PKNOX2: variants seen among roughly 807,000 people sequenced by gnomAD.
The protein encoded by PKNOX2 is homeobox protein PKNOX2.
Under a neutral mutation model 53.1 loss-of-function variants are expected in PKNOX2, and 14 were observed. The observed-to-expected ratio is 0.26, with a 90% CI of 0.17 to 0.41. PKNOX2 has a LOEUF of 0.41. Ranked by LOEUF, PKNOX2 falls within the 10% of genes least tolerant of loss-of-function variation. The pLI, the probability that PKNOX2 is intolerant of heterozygous loss-of-function variation, is 1.00. For missense variants in PKNOX2, 496 were observed against 602.8 expected (o/e 0.82, Z 1.85); for synonymous variants, 257 against 242.8 (o/e 1.06, Z -0.54).
intron 3 of PKNOX2, 101 bp from the exon 4 acceptor site, chr11:125,351,183 C>T (rs1951288241): frequency 1.1e-5 from 8 of 717,196 alleles, no homozygotes; most frequent in Non-Finnish European, 1.6e-5. Flanking sequence ...CGCATCCAGC[C>T]GGCCCAGGTG....
chr11:125,253,134 C>T (rs1440309966), intron 2 of PKNOX2, among the ~76,000 whole-genome samples: 1 of 152,268 alleles, frequency 6.6e-6, no homozygotes, highest in Non-Finnish European at 1.5e-5. Flanking sequence ...GAGGCATTTG[C>T]TTAGGGTCCC....
At chr11:125,374,503 C>T (rs1952727567) in intron 5 of PKNOX2, among the ~76,000 whole-genome samples, 1 of 152,200 alleles carries the variant, frequency 6.6e-6, no homozygotes, top group South Asian at 2.1e-4. Context: ...GCTCAGATTT[C>T]CTCTGTACCA....
chr11:125,366,760 G>A (rs933663538), intron 4 of PKNOX2, among the ~76,000 whole-genome samples: 1 of 152,140 alleles, frequency 6.6e-6, no homozygotes, highest in Non-Finnish European at 1.5e-5. Context: ...CAGAAAGCAG[G>A]GACCTAGATT....
Position 125,411,741 on chromosome 11 carries a change from T to C in PKNOX2, c.817-5T>C. 6.2e-7 allele frequency: 1 copy of C among 1,614,072 alleles called. No homozygotes were observed. The highest frequency in any genetic ancestry group is 8.5e-7 in the Non-Finnish European group (1 of 1,179,956). On this transcript the variant is annotated splice_region_variant and splice_polypyrimidine_tract_variant and intron_variant, in intron 9 of 12. Transcript: ENST00000298282. ...ATGCTGATTTTCTCTCCACGTGCCCTGAAGGTTAACCTTGACCTCACCTCC... is the reference window on the plus strand; with the variant it reads ...ATGCTGATTTTCTCTCCACGTGCCCCGAAGGTTAACCTTGACCTCACCTCC...
intron 2 of PKNOX2, among the ~76,000 whole-genome samples, chr11:125,298,790 T>C (rs1359002504): frequency 6.6e-6 from 1 of 152,166 alleles, no homozygotes; most frequent in East Asian, 1.9e-4. Flanking sequence ...CTTGACGTAT[T>C]CCCGGGGTCT....
intron 4 of PKNOX2, among the ~76,000 whole-genome samples, chr11:125,363,982 T>C (rs1212542228): frequency 6.6e-6 from 1 of 152,192 alleles, no homozygotes; most frequent in Non-Finnish European, 1.5e-5. Context: ...TTCTGAACAT[T>C]TAACAATTGG....
Position 125,202,247 on chromosome 11 carries a change from C to T in PKNOX2, c.-200-32798C>T, listed in dbSNP as rs566942963. ...ATCTCGCTGCAGACATGCTGAGGGC[C>T]AGGGGCCAGCCAGGCTGCAGCTGGG... On this transcript the variant is annotated intron_variant, in intron 1 of 12. Transcript: ENST00000298282. Among the ~76,000 whole-genome samples the T allele has an allele frequency of 5.9e-5, 9 of 152,306 alleles. No individual in the cohort carries two copies. In the East Asian group the frequency reaches 1.7e-3, roughly 29 times the overall value.
rs368870131 is a variant in PKNOX2, at chr11:125,165,964, A to C, written c.-201+1188A>C. Among the ~76,000 whole-genome samples, 25 of 152,078 alleles carry C rather than the reference A, an allele frequency of 1.6e-4. No individual in the cohort carries two copies. The East Asian group carries it at 3.9e-3, about 24-fold the overall frequency. ...GGGCCGTCCTTTCCCGGGGCTCTTC[A>C]CGGGGGAGCCGGGGGTTTCCGCGCG... is the stretch of plus-strand genomic sequence containing the variant. On this transcript the variant is annotated intron_variant, in intron 1 of 12. Coordinates refer to ENST00000298282, the MANE Select transcript of PKNOX2 (RefSeq NM_001382323.2). The surrounding 1 kb of genome is among the most constrained non-coding windows in gnomAD (Gnocchi z 4.5).
intron 7 of PKNOX2, among the ~76,000 whole-genome samples, chr11:125,409,102 A>C (rs185386870): frequency 6.6e-6 from 1 of 152,196 alleles, no homozygotes; most frequent in African/African-American, 2.4e-5. Context: ...AGACTCAGGC[A>C]GGCCTCCTGA....
At chr11:125,392,987 T>C (rs1193834556) in intron 6 of PKNOX2, among the ~76,000 whole-genome samples, 1 of 151,320 alleles carries the variant, frequency 6.6e-6, no homozygotes, top group Non-Finnish European at 1.5e-5. Flanking sequence ...TGAAACCCTG[T>C]CTCTACTAAA....
At chr11:125,248,830 A>G (rs1943761105) in intron 2 of PKNOX2, among the ~76,000 whole-genome samples, 1 of 146,182 alleles carries the variant, frequency 6.8e-6, no homozygotes, top group Admixed American at 6.9e-5. Flanking sequence ...AATTGCCCTC[A>G]AGTGATCCTC....
At chr11:125,249,726 C>A (rs1943851195) in intron 2 of PKNOX2, among the ~76,000 whole-genome samples, 1 of 152,090 alleles carries the variant, frequency 6.6e-6, no homozygotes, top group African/African-American at 2.4e-5. Context: ...ACTGTATGTG[C>A]CTTCTGTGTA....
intron 2 of PKNOX2, among the ~76,000 whole-genome samples, chr11:125,279,233 T>G (rs1946385991): frequency 6.6e-6 from 1 of 152,098 alleles, no homozygotes; most frequent in Non-Finnish European, 1.5e-5. Context: ...GTGAGCAAGG[T>G]TGTGCCTGGA....
chr11:125,257,710 G>A (rs973182437), intron 2 of PKNOX2, among the ~76,000 whole-genome samples: 1 of 152,212 alleles, frequency 6.6e-6, no homozygotes, highest in Admixed American at 6.5e-5. Flanking sequence ...ACTTAGTGAA[G>A]GGTAGGTAAA....
At chr11:125,312,474 C>T (rs1948869544) in intron 2 of PKNOX2, among the ~76,000 whole-genome samples, 1 of 152,192 alleles carries the variant, frequency 6.6e-6, no homozygotes, top group Non-Finnish European at 1.5e-5. Context: ...TGGGAAGTCA[C>T]CCTGCTGTGC....
chr11:125,274,342 G>A (rs1334027568), intron 2 of PKNOX2, among the ~76,000 whole-genome samples: 1 of 152,100 alleles, frequency 6.6e-6, no homozygotes, highest in Non-Finnish European at 1.5e-5. Context: ...GAAGGGTAAG[G>A]GATATCGAGC....
chr11:125,408,397 C>G (rs1023390796), intron 7 of PKNOX2, among the ~76,000 whole-genome samples: 8 of 152,232 alleles, frequency 5.3e-5, no homozygotes, highest in Non-Finnish European at 1.0e-4. Context: ...AGAGCTGCCC[C>G]CTCTGTTCCC....
chr11:125,214,155 T>C (rs184654970), intron 1 of PKNOX2, among the ~76,000 whole-genome samples: 3 of 152,246 alleles, frequency 2.0e-5, no homozygotes, highest in East Asian at 3.9e-4. Context: ...CTGGCCCTAA[T>C]GTCTACGCTG....
intron 2 of PKNOX2, among the ~76,000 whole-genome samples, chr11:125,249,538 C>G (rs1012848763): frequency 6.6e-6 from 1 of 152,198 alleles, no homozygotes; most frequent in Non-Finnish European, 1.5e-5. Flanking sequence ...ACTATTTACA[C>G]AGCATTTGCA....
Sources: gnomAD v4.1 joint callset for allele counts (sites outside exome capture counted in the v4.1 genomes callset) on GRCh38, gnomAD v4.1.1 for gene constraint, Gnocchi (gnomAD v3.1) non-coding constraint, MANE v1.5 for transcripts, NCBI Gene and HGNC (gene_info 2026-07-23, HGNC 2026-07-21) for gene names.